Variants in SCAP observed in about 807,000 individuals in gnomAD.
SCAP encodes the protein sterol regulatory element-binding protein cleavage-activating protein.
SCAP carries 65 observed loss-of-function variants against 123.6 expected under a neutral mutation model. The observed-to-expected ratio is 0.53, with a 90% CI of 0.43 to 0.65. The LOEUF is 0.65. SCAP is among the 30% of genes least tolerant of loss of function. The probability of loss-of-function intolerance (pLI) is 0.00; values close to 1 mark genes in which losing one functional copy is unlikely to be tolerated. For missense variants in SCAP, 1,398 were observed against 1,712.5 expected (o/e 0.82, Z 3.24); for synonymous variants, 740 against 726.3 (o/e 1.02, Z -0.30).
At chr3:47,418,904 T>C in intron 13 of SCAP, 61 bp from the exon 14 acceptor site, 1 of 1,421,050 alleles carries the variant, frequency 7.0e-7, no homozygotes, top group Non-Finnish European at 9.2e-7. Flanking sequence ...CCTGCTGTGC[T>C]CGCCAGCCAG....
intron 2 of SCAP, among the ~76,000 whole-genome samples, chr3:47,441,718 C>A (rs1311114698): frequency 6.6e-6 from 1 of 151,962 alleles, no homozygotes; most frequent in Non-Finnish European, 1.5e-5. Flanking sequence ...TGAATTTGAA[C>A]CCCAGTTTCC....
At chr3:47,433,468 C>A (rs1428376163) in intron 3 of SCAP, among the ~76,000 whole-genome samples, 2 of 152,218 alleles carry the variant, frequency 1.3e-5, no homozygotes, top group South Asian at 2.1e-4. Flanking sequence ...ACACATCACA[C>A]CCCTTACGGC....
intron 3 of SCAP, 92 bp from the exon 4 acceptor site, chr3:47,428,762 C>A: frequency 7.2e-7 from 1 of 1,394,462 alleles, no homozygotes; most frequent in South Asian, 1.3e-5. Flanking sequence ...GCATTGGAAA[C>A]CGTGCCCCAC....
chr3:47,425,594 T>G lies in SCAP; in HGVS notation c.928A>C (p.Lys310Gln). The change falls in exon 8 of 23, where the codon AAG becomes CAG. Residue 310 changes from lysine to glutamine, a missense_variant. Physicochemically the swap from Lys to Gln is moderately conservative, Grantham distance 53 (BLOSUM62 1). This residue lies in a region of SCAP where 319 missense variants were observed against 432.4 expected (regional missense o/e 0.74). Transcript: ENST00000265565. ...GCCAGGGCCAGCCCCCACTTGGACT[T>G]GACCATGTCGATCTTCCCTGGAGGG... ...YFSTRKIDMV[K>Q]SKWGLALAAV... The G allele has an allele frequency of 6.2e-7, 1 of 1,614,094 alleles. No homozygotes were observed. Among genetic ancestry groups the G allele is most frequent in the Non-Finnish European group, 8.5e-7 (1 of 1,180,044 alleles).
Position 47,417,726 on chromosome 3 carries a change from C to T in SCAP, c.2548G>A (p.Asp850Asn), listed in dbSNP as rs1190572811. Residue 850 changes from aspartate to asparagine, a missense_variant, in exon 17 of 23, where the codon GAC becomes AAC. Physicochemically the swap from Asp to Asn is conservative, Grantham distance 23. Around this residue, in one of 7 missense-constraint regions of SCAP, gnomAD observed 828 missense variants for 882.5 expected, o/e 0.94. Coordinates refer to ENST00000265565, the MANE Select transcript of SCAP (RefSeq NM_012235.4). Reference sequence around the variant, plus strand: ...GGGCGGTGTCTCAGGGGAGGGCTGTCCCCAGGCTCCTCTGGACCAGCCTTC... The same window carrying T: ...GGGCGGTGTCTCAGGGGAGGGCTGTTCCCAGGCTCCTCTGGACCAGCCTTC... ...GGKAGPEEPG[D>N]SPPLRHRPRG... 6.2e-7 allele frequency: 1 copy of T among 1,607,978 alleles called. No homozygotes were observed.
chr3:47,473,622 A>G (rs1253013338), intron 1 of SCAP, among the ~76,000 whole-genome samples: 1 of 152,194 alleles, frequency 6.6e-6, no homozygotes, highest in East Asian at 1.9e-4. Flanking sequence ...GCAACCACCA[A>G]TGGTGAGAGT....
chr3:47,473,594 A>G (rs963612305), intron 1 of SCAP, among the ~76,000 whole-genome samples: 1 of 152,178 alleles, frequency 6.6e-6, no homozygotes, highest in African/African-American at 2.4e-5. Context: ...AGTACCTGTC[A>G]GAGCCGGTAA....
At position 47,415,164 on chromosome 3, in the gene SCAP, G is replaced by A. The variant is rs746870930; in HGVS notation, c.3073C>T (p.Leu1025Phe). Reference sequence around the variant, plus strand: ...GAGAAGAAATCAAGGGAACCGTTGAGCCGTGCAGCCACAATCCTGGAAGAG... The same window carrying A: ...GAGAAGAAATCAAGGGAACCGTTGAACCGTGCAGCCACAATCCTGGAAGAG... ...FLDKRIVAAR[L>F]NGSLDFFSLE... Residue 1025 changes from leucine (L) to phenylalanine (F), a missense_variant, in exon 19 of 23, where the codon CTC becomes TTC. By Grantham distance (22) the Leu-to-Phe change is conservative. Transcript: ENST00000265565. 35 of 1,612,008 alleles carry A rather than the reference G, an allele frequency of 2.2e-5. No homozygotes were observed. The highest frequency in any genetic ancestry group is 2.9e-5 in the Non-Finnish European group (34 of 1,179,502).
At chr3:47,421,187 A>G (rs1576257469) in intron 10 of SCAP, 158 bp from the exon 11 acceptor site, 1 of 651,210 alleles carries the variant, frequency 1.5e-6, no homozygotes, top group South Asian at 1.8e-5. Flanking sequence ...CAGCTCACAT[A>G]CCAGCAGCAG....
In SCAP at chr3:47,413,806, C is replaced by G. The variant is rs571443802; in HGVS notation, c.*48G>C. ...CCCAAGTCCAGGTTCAGTGCATTGG[C>G]CCCCACACAGCACCCCAGCCTCCTG... On this transcript the variant is annotated 3_prime_UTR_variant, in exon 23 of 23. Coordinates refer to ENST00000265565, the MANE Select transcript of SCAP (RefSeq NM_012235.4). The G allele has an allele frequency of 6.3e-7, 1 of 1,591,392 alleles. No homozygotes were observed. Among genetic ancestry groups the G allele is most frequent in the Non-Finnish European group, 8.6e-7 (1 of 1,167,650 alleles).
intron 3 of SCAP, 53 bp downstream of exon 3, chr3:47,434,955 C>T: frequency 6.2e-7 from 1 of 1,612,448 alleles, no homozygotes; most frequent in Non-Finnish European, 8.5e-7. Flanking sequence ...CCTGCCTCAG[C>T]CAGTCTCCAC....
At chr3:47,414,751 C>G (rs1270827618) in intron 20 of SCAP, 76 bp downstream of exon 20, 7 of 1,604,986 alleles carry the variant, frequency 4.4e-6, no homozygotes, top group Admixed American at 1.7e-5. Flanking sequence ...CTCTTCCAGC[C>G]TCTCCCTGAC....
intron 1 of SCAP, among the ~76,000 whole-genome samples, chr3:47,462,873 T>C (rs1316401947): frequency 6.6e-6 from 1 of 152,108 alleles, no homozygotes. Context: ...CCTCCCTTCC[T>C]GCTTCCCCAT....
At position 47,422,549 on chromosome 3, in the gene SCAP, G is replaced by GC. The variant is rs1194253577; in HGVS notation, c.1151-14dup. 6.2e-7 allele frequency: 1 copy of GC among 1,604,394 alleles called. No homozygotes were observed. Among genetic ancestry groups the GC allele is most frequent in the African/African-American group, 1.3e-5 (1 of 74,724 alleles). On this transcript the variant is annotated splice_polypyrimidine_tract_variant and intron_variant, in intron 9 of 22. Transcript: ENST00000265565. ...TCGCTGCTTAGGCCTGCAGAGGGCA[G>GC]CAACAGGGCACAGGGCAACACATGG...
intron 15 of SCAP, 32 bp downstream of exon 15, chr3:47,418,289 C>G (rs767092316): frequency 1.9e-6 from 3 of 1,553,278 alleles, no homozygotes; most frequent in Non-Finnish European, 2.6e-6. Context: ...GGCTCCGGCC[C>G]TCCCCTACCC....
rs2107788271 is a variant in SCAP at position 47,420,660 on chromosome 3, T to G, written c.1457A>C (p.His486Pro). The part of the protein sequence containing the change: ...RQLAVRPSTP[H>P]TITLQPSSFR... ...GGAAGACGGCTGCAACGTGATGGTG[T>G]GGGGTGTGGACGGCCTCACAGCCAG... is the stretch of plus-strand genomic sequence containing the variant. Residue 486 changes from histidine to proline, a missense_variant, in exon 12 of 23, where the codon CAC (histidine) becomes CCC (proline). Around this residue, in one of 7 missense-constraint regions of SCAP, gnomAD observed 828 missense variants for 882.5 expected, o/e 0.94. Transcript: ENST00000265565. The surrounding 1 kb of genome is among the most constrained non-coding windows in gnomAD (Gnocchi z 5.0). 6.2e-7 allele frequency: 1 copy of G among 1,611,948 alleles called. No individual in the cohort carries two copies. The highest frequency in any genetic ancestry group is 8.5e-7 in the Non-Finnish European group (1 of 1,179,904).
In SCAP at chr3:47,418,679, G is replaced by A. The variant is rs1179908351; in HGVS notation, c.2105C>T (p.Ala702Val). Residue 702 changes from alanine to valine, a missense_variant, in exon 14 of 23, where the codon GCC becomes GTC. Coordinates refer to ENST00000265565, the MANE Select transcript of SCAP (RefSeq NM_012235.4). ...AGPKGPGGVQ[A>V]HGDVTLYKVA... ...CTTGTACAGCGTGACGTCTCCATGGGCCTGCACCCCACCTGGGCCCTTGGG... is the reference window on the plus strand; with the variant it reads ...CTTGTACAGCGTGACGTCTCCATGGACCTGCACCCCACCTGGGCCCTTGGG... 1.2e-6 allele frequency: 2 copies of A among 1,610,032 alleles called. No homozygotes were observed. The highest frequency in any genetic ancestry group is 1.7e-6 in the Non-Finnish European group (2 of 1,178,910).
At chr3:47,417,866 A>AGGGGGGTGAGAGGGGGCCCGGGGGC in intron 16 of SCAP, 40 bp from the exon 17 acceptor site, 3 of 397,730 alleles carry the variant, frequency 7.5e-6, no homozygotes, top group Non-Finnish European at 1.2e-5. Flanking sequence ...GGCACGGGGG[A>AGGGGGGTGAGAGGGGGCCCGGGGGC]GGGGGGTGAG....
At chr3:47,428,777 T>C in intron 3 of SCAP, 107 bp from the exon 4 acceptor site, 1 of 1,243,790 alleles carries the variant, frequency 8.0e-7, no homozygotes, top group African/African-American at 1.5e-5. Flanking sequence ...CCCCACAGAG[T>C]TAAAGAAACC....
Sources: gnomAD v4.1 joint callset for allele counts (sites outside exome capture counted in the v4.1 genomes callset) on GRCh38, gnomAD v4.1.1 for gene constraint, gnomAD v4.1.1 regional missense constraint, Gnocchi (gnomAD v3.1) non-coding constraint, MANE v1.5 for transcripts, NCBI Gene and HGNC (gene_info 2026-07-23, HGNC 2026-07-21) for gene names.